GSDMC: variants seen among roughly 807,000 people sequenced by gnomAD.
The protein encoded by GSDMC is gasdermin-C.
In GSDMC, 59 loss-of-function variants were observed where a neutral mutation model predicts 58.0. That is an observed-to-expected ratio of 1.02 (90% CI 0.82 to 1.26). The LOEUF is 1.26. GSDMC is among the 50% of genes most tolerant of loss of function. GSDMC has a pLI of 0.00. For missense variants in GSDMC, 659 were observed against 598.5 expected (o/e 1.10, Z -1.06); for synonymous variants, 241 against 220.2 (o/e 1.09, Z -0.83).
the GSDMC span, chr8:129,729,051 T>C: frequency 5.7e-3 from 3,643 of 638,742 alleles, 19 homozygotes; most frequent in Non-Finnish European, 9.0e-3. Flanking sequence ...TGAAATAACT[T>C]TGTGTCAAAA....
At chr8:129,720,717 T>C in the GSDMC span, among the ~76,000 whole-genome samples, 1 of 152,226 alleles carries the variant, frequency 6.6e-6, no homozygotes, top group African/African-American at 2.4e-5. Context: ...CAATTTCATA[T>C]ACATCATCTC....
At chr8:129,781,249 A>T (rs1308319986) in intron 1 of GSDMC, among the ~76,000 whole-genome samples, 2 of 152,292 alleles carry the variant, frequency 1.3e-5, no homozygotes, top group Non-Finnish European at 2.9e-5. Flanking sequence ...TGAATTAATT[A>T]AAAAAACAAG....
At chr8:129,752,203 C>A in intron 7 of GSDMC, 56 bp from the exon 8 acceptor site, 5 of 1,333,934 alleles carry the variant, frequency 3.7e-6, no homozygotes, top group Non-Finnish European at 5.4e-6. Context: ...CCCTACTTTT[C>A]CTCCTCTACT....
chr8:129,749,465 TG>T lies in GSDMC; in HGVS notation c.1273del (p.Gln425SerfsTer6). 1 of 1,613,226 alleles carries T rather than the reference TG, an allele frequency of 6.2e-7. No homozygotes were observed. Among genetic ancestry groups the T allele is most frequent in the African/African-American group, 1.3e-5 (1 of 75,024 alleles). ...ACSMEKRILLQQQELVRSILE... is the reference protein window; with the variant it reads ...ACSMEKRILLXQQELVRSILE... The stretch of plus-strand genomic sequence containing the variant: ...GGAAGTTCTCACCAGCTCCTGTTGC[TG>T]AAGCAGGATCCTCTTCTCCATGGAA... On this transcript the variant is annotated frameshift_variant, in exon 13 of 14. Coordinates refer to ENST00000276708, the MANE Select transcript of GSDMC (RefSeq NM_031415.3). LOFTEE classifies it low-confidence loss of function (END_TRUNC).
At position 129,781,707 on chromosome 8, in the gene GSDMC, G is replaced by A. The variant is rs181197191; in HGVS notation, c.-4-4116C>T. 2.3e-3 allele frequency among the ~76,000 whole-genome samples: 330 copies of A among 146,586 alleles called. 3 individuals carry two copies. The highest frequency in any genetic ancestry group is 1.2e-3 in the Non-Finnish European group (81 of 67,428). On this transcript the variant is annotated intron_variant, in intron 1 of 13. Transcript: ENST00000276708. Reference sequence around the variant, plus strand: ...TTGCAGTGGGCCGAGCGGAGATCGCGCCACTGCACTCCAGCCTGGGTGACA... The same window carrying A: ...TTGCAGTGGGCCGAGCGGAGATCGCACCACTGCACTCCAGCCTGGGTGACA...
At chr8:129,771,671 G>T (rs1319814376) in intron 3 of GSDMC, among the ~76,000 whole-genome samples, 1 of 143,344 alleles carries the variant, frequency 7.0e-6, no homozygotes, top group African/African-American at 2.6e-5. Flanking sequence ...TCTAATTTAA[G>T]AAGACAGAAA....
chr8:129,781,706 C>T lies in GSDMC; in HGVS notation c.-4-4115G>A, dbSNP rs189542903. Among the ~76,000 whole-genome samples, 26 of 149,678 alleles carry T rather than the reference C, an allele frequency of 1.7e-4. 2 individuals are homozygous for T. The highest frequency in any genetic ancestry group is 2.2e-4 in the African/African-American group (9 of 40,542). On this transcript the variant is annotated intron_variant, in intron 1 of 13. Transcript: ENST00000276708. ...CTTGCAGTGGGCCGAGCGGAGATCG[C>T]GCCACTGCACTCCAGCCTGGGTGAC...
the GSDMC span, among the ~76,000 whole-genome samples, chr8:129,741,280 A>T: frequency 3.9e-5 from 6 of 152,070 alleles, no homozygotes; most frequent in African/African-American, 1.4e-4. Flanking sequence ...AGAAACTGTG[A>T]TGCCTCCAGT....
chr8:129,709,082 G>A, the GSDMC span, among the ~76,000 whole-genome samples: 1 of 151,894 alleles, frequency 6.6e-6, no homozygotes, highest in African/African-American at 2.4e-5. Flanking sequence ...CTGTTCAGAA[G>A]TATTCCTGCT....
intron 1 of GSDMC, among the ~76,000 whole-genome samples, chr8:129,780,488 C>G (rs1222688725): frequency 2.0e-5 from 3 of 152,128 alleles, no homozygotes; most frequent in Non-Finnish European, 2.9e-5. Context: ...AGTGGCATGA[C>G]ATATTTAATG....
At chr8:129,772,260 C>CAAA (rs1161238758) in intron 3 of GSDMC, among the ~76,000 whole-genome samples, 6 of 94,288 alleles carry the variant, frequency 6.4e-5, no homozygotes, top group Admixed American at 1.1e-4. Flanking sequence ...GACTCCGTCT[C>CAAA]AAAAAAAAAA....
Position 129,750,153 on chromosome 8 carries a change from AC to A in GSDMC, c.1084-35del, listed in dbSNP as rs759981664. The A allele has an allele frequency of 2.0e-6, 3 of 1,465,736 alleles. No homozygotes were observed. In the East Asian group the frequency reaches 7.1e-5, roughly 35 times the overall value. The allele number at this position is 1,465,736 out of a possible 1,614,324, so 90.8% of individuals were successfully genotyped here. A position where few individuals can be genotyped will look rare whatever the true frequency, so the allele number is the denominator to read the frequency against. On this transcript the variant is annotated intron_variant, in intron 11 of 13. Transcript: ENST00000276708. ...GACAGGTATTATTGTTAATAATAATACTAATAACAGTAATGTTATATAATTT... is the reference window on the plus strand; with the variant it reads ...GACAGGTATTATTGTTAATAATAATATAATAACAGTAATGTTATATAATTT...
chr8:129,731,299 G>T, the GSDMC span, among the ~76,000 whole-genome samples: 1 of 152,122 alleles, frequency 6.6e-6, no homozygotes, highest in Non-Finnish European at 1.5e-5. Context: ...TCAGTGATAG[G>T]GTAGTTCCCT....
At chr8:129,729,986 C>T in the GSDMC span, 1 of 1,496,906 alleles carries the variant, frequency 6.7e-7, no homozygotes. Context: ...ATGGACAGTG[C>T]TGTCCGGATA....
the GSDMC span, among the ~76,000 whole-genome samples, chr8:129,742,507 T>C: frequency 6.6e-6 from 1 of 152,298 alleles, no homozygotes; most frequent in East Asian, 1.9e-4. Flanking sequence ...AGGGTCATTC[T>C]ACAGGTCTCT....
At chr8:129,730,962 C>T in the GSDMC span, among the ~76,000 whole-genome samples, 1 of 152,082 alleles carries the variant, frequency 6.6e-6, no homozygotes, top group East Asian at 1.9e-4. Flanking sequence ...ATCCTTTGTC[C>T]TGTTCTATGT....
At chr8:129,751,738 C>A in intron 9 of GSDMC, 124 bp downstream of exon 9, 1 of 1,177,916 alleles carries the variant, frequency 8.5e-7, no homozygotes, top group Non-Finnish European at 1.3e-6. Flanking sequence ...CTTCCCATTC[C>A]ACATGACCAA....
the GSDMC span, chr8:129,723,037 A>G: frequency 6.6e-6 from 1 of 152,230 alleles, no homozygotes; most frequent in African/African-American, 2.4e-5. Flanking sequence ...AGCAAACACC[A>G]AAAACATTTT....
chr8:129,706,282 C>A, the GSDMC span, among the ~76,000 whole-genome samples: 1 of 152,090 alleles, frequency 6.6e-6, no homozygotes, highest in Non-Finnish European at 1.5e-5. Context: ...GATATTACCA[C>A]TAATTCAATT....
Sources: allele counts gnomAD v4.1 joint callset (sites outside exome capture counted in the v4.1 genomes callset), GRCh38; gene constraint gnomAD v4.1.1; transcripts MANE v1.5; gene names NCBI Gene and HGNC (gene_info 2026-07-23, HGNC 2026-07-21).